The following SEMA6D variants were observed in gnomAD, a reference collection of about 807,000 sequenced individuals.
The protein encoded by SEMA6D is semaphorin-6D.
Under a neutral mutation model 106.6 loss-of-function variants are expected in SEMA6D, and 35 were observed. The observed-to-expected ratio is 0.33, with a 90% CI of 0.25 to 0.44. The LOEUF is 0.44. SEMA6D is among the 20% of genes least tolerant of loss of function. The pLI is 1.00. For missense variants in SEMA6D, 1,185 were observed against 1,345.9 expected (o/e 0.88, Z 1.87); for synonymous variants, 499 against 487.7 (o/e 1.02, Z -0.31).
intron 3 of SEMA6D, among the ~76,000 whole-genome samples, chr15:47,598,110 A>G (rs762919618): frequency 6.6e-6 from 1 of 152,000 alleles, no homozygotes; most frequent in Non-Finnish European, 1.5e-5. Flanking sequence ...TATACTGTAA[A>G]GCATCCAGGA....
chr15:47,647,719 C>CA (rs777557315), intron 4 of SEMA6D, among the ~76,000 whole-genome samples: 7,670 of 93,650 alleles, frequency 0.082, 449 homozygotes, highest in African/African-American at 0.19. Flanking sequence ...CAATTGTGGG[C>CA]AAAAAAAAAA....
chr15:47,207,315 A>G (rs976922794), intron 1 of SEMA6D, among the ~76,000 whole-genome samples: 12 of 152,046 alleles, frequency 7.9e-5, no homozygotes, highest in Non-Finnish European at 1.5e-4. Flanking sequence ...CCTCTGTGCC[A>G]CTATGGTAAA....
At chr15:47,293,118 G>C (rs1388792707) in intron 1 of SEMA6D, among the ~76,000 whole-genome samples, 1 of 152,154 alleles carries the variant, frequency 6.6e-6, no homozygotes, top group African/African-American at 2.4e-5. Context: ...TTTTCCAGAG[G>C]TTCAAAGCCG....
intron 3 of SEMA6D, among the ~76,000 whole-genome samples, chr15:47,578,346 A>AG (rs1566905720): frequency 6.6e-6 from 1 of 152,234 alleles, no homozygotes; most frequent in Non-Finnish European, 1.5e-5. Context: ...ATCATGAGTC[A>AG]AATCCCTATT....
chr15:47,660,728 A>AT (rs1307591116), intron 4 of SEMA6D, among the ~76,000 whole-genome samples: 2 of 152,156 alleles, frequency 1.3e-5, no homozygotes, highest in African/African-American at 2.4e-5. Flanking sequence ...ATTAGAAGTG[A>AT]TTTTTTCTGA....
chr15:47,732,061 T>C (rs2080161964), intron 1 of SEMA6D, among the ~76,000 whole-genome samples: 1 of 152,182 alleles, frequency 6.6e-6, no homozygotes, highest in African/African-American at 2.4e-5. Flanking sequence ...TAAAGAGATG[T>C]GAAATCGGTT....
chr15:47,635,395 A>G (rs964091956), intron 4 of SEMA6D, among the ~76,000 whole-genome samples: 1 of 152,098 alleles, frequency 6.6e-6, no homozygotes, highest in African/African-American at 2.4e-5. Flanking sequence ...ATGACCCTAG[A>G]TTGGTTAGTT....
At chr15:47,693,344 G>A (rs1372664261) in intron 4 of SEMA6D, among the ~76,000 whole-genome samples, 1 of 152,112 alleles carries the variant, frequency 6.6e-6, no homozygotes, top group Admixed American at 6.6e-5. Flanking sequence ...CTGGCCCCTA[G>A]AACTGTGAGA....
intron 3 of SEMA6D, among the ~76,000 whole-genome samples, chr15:47,551,724 T>C (rs1218554161): frequency 9.0e-6 from 1 of 111,258 alleles, no homozygotes; most frequent in African/African-American, 3.1e-5. Flanking sequence ...TGCATTTGAA[T>C]GCTGTGGTAT....
intron 1 of SEMA6D, among the ~76,000 whole-genome samples, chr15:47,725,240 T>G (rs1285419399): frequency 6.6e-6 from 1 of 152,176 alleles, no homozygotes; most frequent in Non-Finnish European, 1.5e-5. Flanking sequence ...CTCATCACTG[T>G]AAGCTAGCAG....
chr15:47,717,302 G>A (rs2146190600), upstream of SEMA6D: 1 of 152,078 alleles, frequency 6.6e-6, no homozygotes. Context: ...GGGGCCTCCA[G>A]GCGGCGCTGG....
chr15:47,679,976 A>G (rs1305663571), intron 4 of SEMA6D, among the ~76,000 whole-genome samples: 1 of 152,140 alleles, frequency 6.6e-6, no homozygotes, highest in Non-Finnish European at 1.5e-5. Context: ...TTCCATGCTA[A>G]GGGTTAAGGG....
intron 1 of SEMA6D, among the ~76,000 whole-genome samples, chr15:47,204,849 A>G (rs894695209): frequency 1.3e-5 from 2 of 152,148 alleles, no homozygotes; most frequent in African/African-American, 4.8e-5. Flanking sequence ...AATTGGAGAA[A>G]GGTTAAACTT....
intron 1 of SEMA6D, among the ~76,000 whole-genome samples, chr15:47,217,766 T>A (rs115523808): frequency 0.052 from 7,810 of 151,030 alleles, 268 homozygotes; most frequent in South Asian, 0.12. Flanking sequence ...ATATTAAAAA[T>A]ATATATATTT....
At chr15:47,267,774 T>C (rs1274322463) in intron 1 of SEMA6D, among the ~76,000 whole-genome samples, 3 of 152,188 alleles carry the variant, frequency 2.0e-5, no homozygotes, top group Non-Finnish European at 4.4e-5. Context: ...CAAATTCTTA[T>C]TAAGTTCTAG....
At position 47,289,678 on chromosome 15, in the gene SEMA6D, A is replaced by G. The variant is rs1158899754; in HGVS notation, c.-239+105260A>G. On this transcript the variant is annotated intron_variant, in intron 1 of 19. Coordinates refer to the SEMA6D transcript ENST00000558014. ...TCCTGCAGAAACTTCCCTAGCACAAAGCAGGGGGCCAGATATTACAGAAAA... is the reference window on the plus strand; with the variant it reads ...TCCTGCAGAAACTTCCCTAGCACAAGGCAGGGGGCCAGATATTACAGAAAA... Among the ~76,000 whole-genome samples the G allele has an allele frequency of 2.0e-5, 3 of 152,248 alleles. No individual in the cohort carries two copies. The East Asian group carries it at 5.8e-4, about 29-fold the overall frequency.
At chr15:47,292,381 G>A (rs531060356) in intron 1 of SEMA6D, among the ~76,000 whole-genome samples, 12 of 152,124 alleles carry the variant, frequency 7.9e-5, no homozygotes, top group Non-Finnish European at 1.3e-4. Context: ...CTTATAAAAC[G>A]AAGACTTAAT....
chr15:47,465,473 A>G (rs745449822), intron 2 of SEMA6D, among the ~76,000 whole-genome samples: 6 of 152,168 alleles, frequency 3.9e-5, no homozygotes, highest in Non-Finnish European at 8.8e-5. Flanking sequence ...TTCTGACTTT[A>G]TGTTCTAAAC....
intron 1 of SEMA6D, among the ~76,000 whole-genome samples, chr15:47,404,820 T>TG (rs1448772528): frequency 1.3e-5 from 2 of 152,188 alleles, no homozygotes; most frequent in Admixed American, 6.5e-5. Context: ...CCAGGTATTT[T>TG]GCTCAGTGTA....
Sources: gnomAD v4.1 joint callset for allele counts (sites outside exome capture counted in the v4.1 genomes callset) on GRCh38, gnomAD v4.1.1 for gene constraint, MANE v1.5 for transcripts, NCBI Gene and HGNC (gene_info 2026-07-23, HGNC 2026-07-21) for gene names.